Variants in KDM4C observed in about 807,000 individuals in gnomAD.
KDM4C encodes the protein lysine demethylase 4C, also known as lysine-specific demethylase 4C.
KDM4C carries 81 observed loss-of-function variants against 129.3 expected under a neutral mutation model. That is an observed-to-expected ratio of 0.63 (90% confidence interval 0.52 to 0.75). The LOEUF is 0.75. Ranked by LOEUF, KDM4C falls within the 30% of genes least tolerant of loss-of-function variation. KDM4C has a pLI of 0.00. For missense variants in KDM4C, 1,457 were observed against 1,304.0 expected, an observed-to-expected ratio of 1.12 and a Z score of -1.81; for synonymous variants, 573 against 456.1, an observed-to-expected ratio of 1.26 and a Z score of -3.26.
At chr9:7,096,707 G>C (rs1836481884) in intron 17 of KDM4C, among the ~76,000 whole-genome samples, 1 of 151,944 alleles carries the variant, frequency 6.6e-6, no homozygotes, top group Non-Finnish European at 1.5e-5. Context: ...AACTGTAAAG[G>C]AGCAAAAGAT....
At chr9:6,740,348 C>T (rs1039426235) in intron 1 of KDM4C, among the ~76,000 whole-genome samples, 2 of 152,054 alleles carry the variant, frequency 1.3e-5, no homozygotes, top group Non-Finnish European at 1.5e-5. Context: ...AGACTACAGG[C>T]GCCCGTCACC....
intron 18 of KDM4C, chr9:7,104,109 T>G: frequency 2.1e-6 from 1 of 471,902 alleles, no homozygotes. Context: ...AATGAGTGAA[T>G]GAACAGATGC....
chr9:6,881,114 G>A (rs1844383250), intron 6 of KDM4C, among the ~76,000 whole-genome samples: 1 of 152,132 alleles, frequency 6.6e-6, no homozygotes, highest in African/African-American at 2.4e-5. Context: ...CCTTATATGT[G>A]CTTTCAATTA....
intron 18 of KDM4C, among the ~76,000 whole-genome samples, chr9:7,112,315 T>A (rs139758923): frequency 1.1e-3 from 174 of 152,124 alleles, no homozygotes; most frequent in African/African-American, 4.0e-3. Flanking sequence ...GGGGCAGTAT[T>A]AGGAAGCTCA....
upstream of KDM4C, among the ~76,000 whole-genome samples, chr9:6,754,118 C>T (rs111876708): frequency 1.7e-3 from 251 of 151,624 alleles, no homozygotes; most frequent in African/African-American, 5.5e-3. Flanking sequence ...TCAGGTGATC[C>T]GCCCGCCTCG....
Position 7,175,419 on chromosome 9 carries a change from A to G in KDM4C, c.*690A>G, listed in dbSNP as rs776080023. On this transcript the variant is annotated 3_prime_UTR_variant, in exon 22 of 22. Coordinates refer to ENST00000381309, the MANE Select transcript of KDM4C (RefSeq NM_015061.6). ...ATGAATTGTTATGCGAATTTTATAT[A>G]TTTAAAGAGGGAGATCTGGGGCTGT... 1.3e-5 allele frequency: 2 copies of G among 152,622 alleles called. No homozygotes were observed. The highest frequency in any genetic ancestry group is 4.8e-5 in the African/African-American group (2 of 41,462). 9.5% of individuals were successfully genotyped at this position (152,622 alleles called of 1,614,324 possible). A position where few individuals can be genotyped will look rare whatever the true frequency, so the allele number is the denominator to read the frequency against.
intron 16 of KDM4C, 43 bp from the exon 17 acceptor site, chr9:7,049,049 T>C: frequency 7.4e-7 from 1 of 1,353,336 alleles, no homozygotes; most frequent in Non-Finnish European, 1.1e-6. Context: ...AGTATGTAAG[T>C]TTAGGGAACT....
intron 15 of KDM4C, among the ~76,000 whole-genome samples, chr9:7,024,557 C>A (rs1181833222): frequency 6.8e-6 from 1 of 147,514 alleles, no homozygotes; most frequent in African/African-American, 2.5e-5. Context: ...TTGTTCAATT[C>A]CCACCTGTGA....
chr9:7,004,671 A>G (rs562892145), intron 12 of KDM4C, among the ~76,000 whole-genome samples: 94 of 152,252 alleles, frequency 6.2e-4, no homozygotes, highest in African/African-American at 2.1e-3. Flanking sequence ...ATTATATTCA[A>G]TGATGTTTTT....
At chr9:7,014,555 T>C (rs900326725) in intron 14 of KDM4C, among the ~76,000 whole-genome samples, 1 of 152,190 alleles carries the variant, frequency 6.6e-6, no homozygotes, top group Admixed American at 6.5e-5. Flanking sequence ...AACAATTGGA[T>C]AAGTGGTAAA....
At chr9:6,987,430 C>G (rs1468830106) in intron 11 of KDM4C, among the ~76,000 whole-genome samples, 1 of 152,128 alleles carries the variant, frequency 6.6e-6, no homozygotes, top group East Asian at 1.9e-4. Flanking sequence ...AAGAGTGGAT[C>G]AGGGGAGCTA....
chr9:6,915,749 G>A (rs1028775315), intron 8 of KDM4C, among the ~76,000 whole-genome samples: 26 of 152,096 alleles, frequency 1.7e-4, no homozygotes, highest in Non-Finnish European at 3.1e-4. Flanking sequence ...CCAAGGTATA[G>A]CCTTCGAAGA....
At chr9:7,115,698 ACT>A (rs1400322205) in intron 18 of KDM4C, among the ~76,000 whole-genome samples, 1 of 152,218 alleles carries the variant, frequency 6.6e-6, no homozygotes, top group Non-Finnish European at 1.5e-5. Context: ...CTAAAAGGCT[ACT>A]CTCCAAGCCT....
At chr9:6,907,604 A>G (rs1390634361) in intron 8 of KDM4C, among the ~76,000 whole-genome samples, 5 of 152,186 alleles carry the variant, frequency 3.3e-5, no homozygotes, top group African/African-American at 1.2e-4. Flanking sequence ...TACTCATAGG[A>G]CTTTTTCAGC....
intron 1 of KDM4C, among the ~76,000 whole-genome samples, chr9:6,787,325 G>A (rs1044602230): frequency 6.6e-6 from 1 of 152,140 alleles, no homozygotes; most frequent in Non-Finnish European, 1.5e-5. Flanking sequence ...CTCCGCCCCC[G>A]GGGTTCAAGT....
chr9:7,023,097 C>A (rs1772419874), intron 15 of KDM4C, among the ~76,000 whole-genome samples: 1 of 152,090 alleles, frequency 6.6e-6, no homozygotes, highest in African/African-American at 2.4e-5. Context: ...GGGCTATTGG[C>A]TGTGGTTTTC....
At chr9:7,173,395 G>A (rs1317330809) in intron 21 of KDM4C, among the ~76,000 whole-genome samples, 2 of 152,242 alleles carry the variant, frequency 1.3e-5, no homozygotes, top group African/African-American at 4.8e-5. Flanking sequence ...AGGTTATGTA[G>A]GTCTAGCCTG....
intron 5 of KDM4C, among the ~76,000 whole-genome samples, chr9:6,865,608 C>T (rs1482030590): frequency 6.6e-6 from 1 of 152,086 alleles, no homozygotes; most frequent in Non-Finnish European, 1.5e-5. Context: ...GGTCTATCAC[C>T]TGGGCTGGAG....
chr9:6,992,891 T>C (rs544858130), intron 12 of KDM4C, among the ~76,000 whole-genome samples: 1 of 152,146 alleles, frequency 6.6e-6, no homozygotes, highest in East Asian at 1.9e-4. Flanking sequence ...AGCTGGAAAG[T>C]TTCTCCCTAA....
Sources: gnomAD v4.1 joint callset for allele counts (sites outside exome capture counted in the v4.1 genomes callset) on GRCh38, gnomAD v4.1.1 for gene constraint, MANE v1.5 for transcripts, NCBI Gene and HGNC (gene_info 2026-07-23, HGNC 2026-07-21) for gene names.